Variants in CHDH observed in about 807,000 individuals in gnomAD.
CHDH encodes the protein choline dehydrogenase, mitochondrial.
In CHDH, 43 loss-of-function variants were observed where a neutral mutation model predicts 56.9. The ratio of observed to expected loss-of-function variants is 0.76; its 90% CI spans 0.59 to 0.97. The LOEUF is 0.97. Ranked by LOEUF, CHDH falls within the 50% of genes least tolerant of loss-of-function variation. The pLI, the probability that CHDH is intolerant of heterozygous loss-of-function variation, is 0.00. For missense variants in CHDH, 816 were observed against 821.1 expected, an observed-to-expected ratio of 0.99 and a Z score of 0.08; for synonymous variants, 364 against 348.5, an observed-to-expected ratio of 1.04 and a Z score of -0.50.
At position 53,818,812 on chromosome 3, in the gene CHDH, G is replaced by A. The variant is rs1184523900; in HGVS notation, c.1366+126C>T. 3 of 735,598 alleles carry A rather than the reference G, an allele frequency of 4.1e-6. No homozygotes were observed. The African/African-American group carries it at 5.1e-5, about 13-fold the overall frequency. The allele number at this position is 735,598 out of a possible 1,614,324, so 45.6% of individuals were successfully genotyped here. On this transcript the variant is annotated intron_variant, in intron 8 of 8. Coordinates refer to ENST00000315251, the MANE Select transcript of CHDH (RefSeq NM_018397.5). The stretch of plus-strand genomic sequence containing the variant: ...AGTTTACAGCCTAAAGTGACACGGT[G>A]GGGGACGACAGAGGGTCACTTGTGT...
rs1432777515 is a variant in CHDH, at chr3:53,815,866, A to T, written c.*1911T>A. 6.6e-6 allele frequency: 1 copy of T among 152,100 alleles called. No homozygotes were observed. The highest frequency in any genetic ancestry group is 1.5e-5 in the Non-Finnish European group (1 of 68,050). The allele number at this position is 152,100 out of a possible 1,614,324, so 9.4% of individuals were successfully genotyped here. On this transcript the variant is annotated 3_prime_UTR_variant, in exon 9 of 9. Transcript: ENST00000315251. ...CTGGCACCTGAACTCCTGTTTCTGC[A>T]CTCTTGCAGGCAGCCCCGAGACCCA...
intron 2 of CHDH, among the ~76,000 whole-genome samples, chr3:53,834,804 A>G (rs192685064): frequency 6.6e-6 from 1 of 152,332 alleles, no homozygotes; most frequent in Admixed American, 6.5e-5. Flanking sequence ...GCTCTTGGCC[A>G]GTGCAGTGTA....
At position 53,823,490 on chromosome 3, in the gene CHDH, G is replaced by A. The variant is rs1242905457; in HGVS notation, c.519C>T (p.His173=). The A allele has an allele frequency of 3.9e-6, 6 of 1,543,550 alleles. No homozygotes were observed. Among genetic ancestry groups the A allele is most frequent in the Admixed American group, 2.0e-5 (1 of 50,786 alleles). The change falls in exon 3 of 9, where the codon CAC becomes CAT. Residue 173 remains histidine, a synonymous_variant. Transcript: ENST00000315251. ...CCCGGTACCGGCTGGCGCCCAGCTC[G>A]TGGCCCTGCGCCTTGCGGAAGTAGG... ...CLPYFRKAQG[H]ELGASRYRGA...
At chr3:53,837,195 A>G (rs1698523189) in intron 2 of CHDH, among the ~76,000 whole-genome samples, 1 of 151,998 alleles carries the variant, frequency 6.6e-6, no homozygotes, top group Non-Finnish European at 1.5e-5. Flanking sequence ...CCCTGTCTCT[A>G]AAAGAAAAAA....
intron 2 of CHDH, among the ~76,000 whole-genome samples, chr3:53,827,322 C>T (rs1224904952): frequency 1.3e-5 from 2 of 152,096 alleles, no homozygotes; most frequent in African/African-American, 4.8e-5. Flanking sequence ...GCCTGCTTCC[C>T]CTTCACCTTC....
intron 8 of CHDH, among the ~76,000 whole-genome samples, chr3:53,818,559 G>A (rs186350731): frequency 1.3e-5 from 2 of 152,344 alleles, no homozygotes; most frequent in Non-Finnish European, 2.9e-5. Context: ...GGTAGTGCTC[G>A]TTTTTGCTGC....
intron 5 of CHDH, 134 bp downstream of exon 5, chr3:53,821,513 T>A: frequency 1.3e-6 from 1 of 768,238 alleles, no homozygotes; most frequent in Non-Finnish European, 2.1e-6. Flanking sequence ...ACCTTCGGGC[T>A]CTCGGGGACA....
chr3:53,842,805 G>C (rs1019370576), intron 1 of CHDH, among the ~76,000 whole-genome samples: 1 of 152,108 alleles, frequency 6.6e-6, no homozygotes, highest in South Asian at 2.1e-4. Flanking sequence ...CATTAAAATT[G>C]ACCCTGCCAA....
rs2095614795 is a variant in CHDH at position 53,815,831 on chromosome 3, A to G, written c.*1946T>C. ...CAGGAAAGCTGCACGAGGCCCTCCA[A>G]GTTACGGGGCTGGCACCTGAACTCC... On this transcript the variant is annotated 3_prime_UTR_variant, in exon 9 of 9. Transcript: ENST00000315251. The G allele has an allele frequency of 6.6e-6, 1 of 152,300 alleles. No individual in the cohort carries two copies. 9.4% of individuals were successfully genotyped at this position (152,300 alleles called of 1,614,324 possible). A position where few individuals can be genotyped will look rare whatever the true frequency, so the allele number is the denominator to read the frequency against.
chr3:53,832,702 G>A (rs1170209296), intron 2 of CHDH, among the ~76,000 whole-genome samples: 1 of 152,110 alleles, frequency 6.6e-6, no homozygotes, highest in African/African-American at 2.4e-5. Context: ...GACACCAAAG[G>A]ACAAATATTG....
chr3:53,838,957 A>C (rs528175599), intron 2 of CHDH, among the ~76,000 whole-genome samples: 2 of 152,092 alleles, frequency 1.3e-5, no homozygotes. Flanking sequence ...CTCCACTGGG[A>C]CCCTCCTCAC....
rs748820798 is a variant in CHDH, at chr3:53,823,856, C to G, written c.153G>C (p.Ala51=). ...TGAGCCTCCCAGCCAGCACGCAGCC[C>G]GCCGAGCCCGCGCCCACCACCACAT... The part of the protein sequence containing the change: ...YSYVVVGAGS[A]GCVLAGRLTE... Residue 51 remains alanine, a synonymous_variant, in exon 3 of 9, where the codon GCG becomes GCC. Transcript: ENST00000315251. The G allele has an allele frequency of 2.1e-5, 33 of 1,590,804 alleles. No homozygotes were observed. The highest frequency in any genetic ancestry group is 2.4e-5 in the Non-Finnish European group (28 of 1,175,966).
intron 2 of CHDH, among the ~76,000 whole-genome samples, chr3:53,831,816 T>C (rs1698341770): frequency 6.6e-6 from 1 of 151,804 alleles, no homozygotes; most frequent in African/African-American, 2.4e-5. Flanking sequence ...AAACTATAAA[T>C]CAAAATCACA....
Position 53,823,747 on chromosome 3 carries a change from T to A in CHDH, c.262A>T (p.Ile88Phe). 1 of 1,557,108 alleles carries A rather than the reference T, an allele frequency of 6.4e-7. No individual in the cohort carries two copies. The highest frequency in any genetic ancestry group is 8.7e-7 in the Non-Finnish European group (1 of 1,151,770). Residue 88 changes from isoleucine (I) to phenylalanine (F), a missense_variant, in exon 3 of 9, where the codon ATC becomes TTC. Physicochemically the swap from Ile to Phe is conservative, Grantham distance 21. Coordinates refer to ENST00000315251, the MANE Select transcript of CHDH (RefSeq NM_018397.5). ...GCCACCAGGGCCGCGGGCATGTGGATCTTCCACGAGAGCCGCTTGCTCCCC... is the reference window on the plus strand; with the variant it reads ...GCCACCAGGGCCGCGGGCATGTGGAACTTCCACGAGAGCCGCTTGCTCCCC... Reference protein sequence around the residue: ...LAGSKRLSWKIHMPAALVANL... With the variant: ...LAGSKRLSWKFHMPAALVANL...
Position 53,823,526 on chromosome 3 carries a change from C to A in CHDH, c.483G>T (p.Ala161=). 6.5e-7 allele frequency: 1 copy of A among 1,542,124 alleles called. No individual in the cohort carries two copies. Among genetic ancestry groups the A allele is most frequent in the Non-Finnish European group, 8.7e-7 (1 of 1,145,856 alleles). The change falls in exon 3 of 9, where the codon GCG becomes GCT. Residue 161 remains alanine (A), a synonymous_variant. Transcript: ENST00000315251. ...CCTTGCGGAAGTAGGGCAGGCAGTG[C>A]GCGTAGTCCCAGCCGCGGGCGCCCT... ...QRQGARGWDY[A]HCLPYFRKAQ...
intron 2 of CHDH, among the ~76,000 whole-genome samples, chr3:53,831,017 C>G (rs1011110454): frequency 6.6e-6 from 1 of 152,198 alleles, no homozygotes; most frequent in Non-Finnish European, 1.5e-5. Flanking sequence ...CGGACCAACC[C>G]TGGGCCAGAG....
intron 1 of CHDH, among the ~76,000 whole-genome samples, chr3:53,843,188 C>CCTTTT (rs578127745): frequency 1.6e-5 from 2 of 125,186 alleles, no homozygotes. Flanking sequence ...CCCCCCCCAC[C>CCTTTT]TTTTTTTTTT....
Position 53,823,801 on chromosome 3 carries a change from G to C in CHDH, c.208C>G (p.Leu70Val), listed in dbSNP as rs774867223. The C allele has an allele frequency of 1.1e-5, 17 of 1,580,104 alleles. No homozygotes were observed. The South Asian group carries it at 1.8e-4, about 17-fold the overall frequency. The change falls in exon 3 of 9, where the codon CTG (leucine) becomes GTG (valine). Residue 70 changes from leucine (L) to valine (V), a missense_variant. Coordinates refer to ENST00000315251, the MANE Select transcript of CHDH (RefSeq NM_018397.5). ...AGCACGTCCTTGGGCCCGGCCTCCA[G>C]CAGCAGCACGCGCTCGGCGGGGTCC... is the stretch of plus-strand genomic sequence containing the variant. ...TEDPAERVLLLEAGPKDVLAG... is the reference protein window; with the variant it reads ...TEDPAERVLLVEAGPKDVLAG...
intron 1 of CHDH, among the ~76,000 whole-genome samples, chr3:53,845,627 T>G (rs979124618): frequency 5.9e-4 from 90 of 152,114 alleles, no homozygotes; most frequent in African/African-American, 2.1e-3. Flanking sequence ...TACGGGGGCG[T>G]GGGTGGAGGC....
Sources: gnomAD v4.1 joint callset for allele counts (sites outside exome capture counted in the v4.1 genomes callset) on GRCh38, gnomAD v4.1.1 for gene constraint, MANE v1.5 for transcripts, NCBI Gene and HGNC (gene_info 2026-07-23, HGNC 2026-07-21) for gene names.